Variants in PREX1 observed in about 807,000 individuals in gnomAD.
PREX1 encodes the protein phosphatidylinositol-3,4,5-trisphosphate dependent Rac exchange factor 1, also known as phosphatidylinositol 3,4,5-trisphosphate-dependent Rac exchanger 1 protein.
In PREX1, 41 loss-of-function variants were observed where a neutral mutation model predicts 198.3. That is an observed-to-expected ratio of 0.21 (90% confidence interval 0.16 to 0.27). The LOEUF is 0.27. PREX1 is among the 10% of genes least tolerant of loss of function. The pLI, the probability that PREX1 is intolerant of heterozygous loss-of-function variation, is 1.00. For missense variants in PREX1, 1,620 were observed against 2,200.7 expected (o/e 0.74, Z 5.28); for synonymous variants, 843 against 887.2 (o/e 0.95, Z 0.89).
chr20:48,882,318 C>T, the PREX1 span, among the ~76,000 whole-genome samples: 6 of 151,558 alleles, frequency 4.0e-5, no homozygotes, highest in East Asian at 1.9e-4. Flanking sequence ...CTGGCTAACA[C>T]GGTGAAACCC....
At chr20:48,642,585 C>A (rs2089422972) in intron 27 of PREX1, 96 bp from the exon 28 acceptor site, 1 of 1,121,068 alleles carries the variant, frequency 8.9e-7, no homozygotes. Context: ...CTACAGAACT[C>A]CAAACCCACA....
At chr20:48,714,133 T>A (rs1392831881) in intron 5 of PREX1, among the ~76,000 whole-genome samples, 1 of 152,078 alleles carries the variant, frequency 6.6e-6, no homozygotes, top group Admixed American at 6.6e-5. Context: ...TATAAAACTG[T>A]CAGAGAAAAC....
At chr20:48,786,104 C>G (rs548272761) in intron 1 of PREX1, among the ~76,000 whole-genome samples, 1 of 151,914 alleles carries the variant, frequency 6.6e-6, no homozygotes, top group South Asian at 2.1e-4. Context: ...AGCCAGGGGC[C>G]AGGATGGCTC....
At chr20:48,831,532 A>G (rs536668151), upstream of PREX1, among the ~76,000 whole-genome samples, 8 of 152,184 alleles carry the variant, frequency 5.3e-5, no homozygotes, top group South Asian at 1.7e-3. Flanking sequence ...AGCAAGGGGG[A>G]TAGGTGAGGA....
At position 48,771,609 on chromosome 20, in the gene PREX1, C is replaced by T. The variant is rs2090236279; in HGVS notation, c.220-23729G>A. ...CTGAGACTGTGCCATTACACTCCAG[C>T]CTGGGCGACAGGAGCAAAACTCCAT... On this transcript the variant is annotated intron_variant, in intron 1 of 39. Coordinates refer to ENST00000371941, the MANE Select transcript of PREX1 (RefSeq NM_020820.4). 3.3e-5 allele frequency among the ~76,000 whole-genome samples: 5 copies of T among 152,204 alleles called. No individual in the cohort carries two copies. In the South Asian group the frequency reaches 1.0e-3, roughly 32 times the overall value.
In PREX1 at chr20:48,742,405, G is replaced by A. The variant is rs146901042; in HGVS notation, c.414+2620C>T. 2.6e-3 allele frequency among the ~76,000 whole-genome samples: 399 copies of A among 152,316 alleles called. 2 individuals carry two copies. The highest frequency in any genetic ancestry group is 8.2e-3 in the African/African-American group (342 of 41,562). Reference sequence around the variant, plus strand: ...TGAGTTTTGTGATACCCACTTTACAGATGAGAAAACTGAGGCACAGAGAGG... The same window carrying A: ...TGAGTTTTGTGATACCCACTTTACAAATGAGAAAACTGAGGCACAGAGAGG... On this transcript the variant is annotated intron_variant, in intron 3 of 39. Transcript: ENST00000371941.
chr20:48,661,510 CATATATAAT>C (rs2089595168), intron 15 of PREX1, among the ~76,000 whole-genome samples: 1 of 99,776 alleles, frequency 1.0e-5, no homozygotes, highest in Non-Finnish European at 1.9e-5. Context: ...ATGTATATAA[CATATATAAT>C]ATATATAATG....
chr20:48,852,048 AT>A, the PREX1 span, among the ~76,000 whole-genome samples: 109 of 145,758 alleles, frequency 7.5e-4, no homozygotes, highest in Admixed American at 8.9e-4. Context: ...GTCTGCACCT[AT>A]TTTTTTTTTT....
chr20:48,659,939 T>C lies in PREX1; in HGVS notation c.1861A>G (p.Ile621Val). 6.2e-7 allele frequency: 1 copy of C among 1,614,252 alleles called. No individual in the cohort carries two copies. The highest frequency in any genetic ancestry group is 8.5e-7 in the Non-Finnish European group (1 of 1,180,052). ...CCTACCAGCAGGCGCTTGGCCAGAA[T>C]GTTCTCCACCAGCTTGAAGTCGTTG... ...LRNDFKLVEN[I>V]LAKRLLILPQ... is the part of the protein sequence containing the mutation. The change falls in exon 16 of 40, where the codon ATT becomes GTT. Residue 621 changes from isoleucine (I) to valine (V), a missense_variant. Physicochemically the swap from Ile to Val is conservative, Grantham distance 29 (BLOSUM62 3). Around this residue, in one of 7 missense-constraint regions of PREX1, gnomAD observed 488 missense variants for 802.5 expected, o/e 0.61. Transcript: ENST00000371941.
intron 1 of PREX1, among the ~76,000 whole-genome samples, chr20:48,779,221 G>A (rs901383587): frequency 6.6e-6 from 1 of 152,140 alleles, no homozygotes; most frequent in Non-Finnish European, 1.5e-5. Context: ...GTATATAAAT[G>A]GTAAATATGC....
At chr20:48,786,179 C>T (rs2082689736) in intron 1 of PREX1, among the ~76,000 whole-genome samples, 1 of 152,056 alleles carries the variant, frequency 6.6e-6, no homozygotes, top group Non-Finnish European at 1.5e-5. Flanking sequence ...CTGAACAAAA[C>T]TCCCTGGGAG....
the PREX1 span, among the ~76,000 whole-genome samples, chr20:48,840,461 T>C: frequency 6.6e-6 from 1 of 152,214 alleles, no homozygotes; most frequent in Non-Finnish European, 1.5e-5. Flanking sequence ...CATTTCCATA[T>C]GCATCTGTGA....
At chr20:48,703,080 C>A (rs2089883782) in intron 6 of PREX1, among the ~76,000 whole-genome samples, 1 of 152,234 alleles carries the variant, frequency 6.6e-6, no homozygotes, top group South Asian at 2.1e-4. Flanking sequence ...CTGGGACCTG[C>A]TGACTGAATT....
rs2089320436 is a variant in PREX1, at chr20:48,632,266, C to G, written c.4526+11G>C. The stretch of plus-strand genomic sequence containing the variant: ...TGACTCCTGCCCCCAACGGGGACCC[C>G]AGGCGGATACCTGAGTTTGCGGTAA... On this transcript the variant is annotated intron_variant, in intron 35 of 39. Transcript: ENST00000371941. 1 of 1,613,434 alleles carries G rather than the reference C, an allele frequency of 6.2e-7. No individual in the cohort carries two copies. Among genetic ancestry groups the G allele is most frequent in the African/African-American group, 1.3e-5 (1 of 74,950 alleles).
the PREX1 span, among the ~76,000 whole-genome samples, chr20:48,870,175 C>T: frequency 4.6e-5 from 7 of 152,062 alleles, no homozygotes; most frequent in African/African-American, 1.7e-4. Flanking sequence ...AGTGGTTGTA[C>T]CAAGATCCAT....
chr20:48,836,274 G>C, the PREX1 span, among the ~76,000 whole-genome samples: 1 of 152,212 alleles, frequency 6.6e-6, no homozygotes, highest in Non-Finnish European at 1.5e-5. Flanking sequence ...TGTAGCCATT[G>C]TCAGGATATA....
intron 5 of PREX1, among the ~76,000 whole-genome samples, chr20:48,715,380 T>G (rs543304109): frequency 6.6e-6 from 1 of 152,224 alleles, no homozygotes; most frequent in East Asian, 1.9e-4. Flanking sequence ...TCAATAGAAG[T>G]ATCAATGATA....
In PREX1 at chr20:48,666,325, C is replaced by G; in HGVS notation, c.1696G>C (p.Ala566Pro). 1 of 1,569,714 alleles carries G rather than the reference C, an allele frequency of 6.4e-7. No homozygotes were observed. The highest frequency in any genetic ancestry group is 8.6e-7 in the Non-Finnish European group (1 of 1,157,736). Residue 566 changes from alanine to proline, a missense_variant, in exon 15 of 40, where the codon GCG (alanine) becomes CCG (proline). Around this residue, in one of 7 missense-constraint regions of PREX1, gnomAD observed 488 missense variants for 802.5 expected, o/e 0.61. Transcript: ENST00000371941. This position sits in a 1 kb window ranked among gnomAD's most constrained non-coding sequence, Gnocchi z 4.3. ...TTGTTGCACAGACCCACGCCGAGCG[C>G]CACTGCCTCCTCCCGAGTCTGGCAG... The part of the protein sequence containing the change: ...GDCQTREEAV[A>P]LGVGLCNNGF...
the PREX1 span, among the ~76,000 whole-genome samples, chr20:48,882,226 G>A: frequency 1.3e-5 from 2 of 152,066 alleles, no homozygotes; most frequent in Admixed American, 6.6e-5. Context: ...CATGTTGCTG[G>A]GCGCGGTGGC....
Sources: allele counts gnomAD v4.1 joint callset (sites outside exome capture counted in the v4.1 genomes callset), GRCh38; gene constraint gnomAD v4.1.1; regional missense constraint gnomAD v4.1.1; non-coding constraint Gnocchi (gnomAD v3.1); transcripts MANE v1.5; gene names NCBI Gene and HGNC (gene_info 2026-07-23, HGNC 2026-07-21).